SGCG: variants seen among roughly 807,000 people sequenced by gnomAD.
SGCG encodes the protein gamma-sarcoglycan.
SGCG carries 26 observed loss-of-function variants against 29.3 expected under a neutral mutation model. The observed-to-expected ratio is 0.89, with a 90% CI of 0.65 to 1.23. SGCG has a LOEUF of 1.23. Ranked by LOEUF, SGCG falls within the 50% of genes most tolerant of loss-of-function variation. The probability of loss-of-function intolerance (pLI) is 0.00; values close to 1 mark genes in which losing one functional copy is unlikely to be tolerated. For missense variants in SGCG, 353 were observed against 356.0 expected (o/e 0.99, Z 0.07); for synonymous variants, 145 against 129.7 (o/e 1.12, Z -0.80).
At chr13:23,180,756 G>T (rs1876701460), upstream of SGCG, among the ~76,000 whole-genome samples, 1 of 152,188 alleles carries the variant, frequency 6.6e-6, no homozygotes, top group Non-Finnish European at 1.5e-5. Context: ...AGAAGAGTTT[G>T]GTTTCTTGTT....
chr13:23,299,916 C>T (rs1439236892), intron 6 of SGCG, among the ~76,000 whole-genome samples: 1 of 152,138 alleles, frequency 6.6e-6, no homozygotes, highest in Non-Finnish European at 1.5e-5. Flanking sequence ...AAGGCATGGT[C>T]GTTGACCTCA....
intron 2 of SGCG, among the ~76,000 whole-genome samples, chr13:23,215,010 A>G (rs1366635329): frequency 3.9e-5 from 6 of 152,296 alleles, no homozygotes; most frequent in African/African-American, 1.4e-4. Flanking sequence ...TACAAATAGC[A>G]CTATAGTTTT....
intron 2 of SGCG, among the ~76,000 whole-genome samples, chr13:23,204,618 CTTTCTTTCCTTT>C (rs1877909687): frequency 6.8e-6 from 1 of 148,028 alleles, no homozygotes; most frequent in South Asian, 2.1e-4. Flanking sequence ...TCTTTCTTTT[CTTTCTTTCCTTT>C]CTTTCCTTTC....
chr13:23,169,016 G>T, the SGCG span, among the ~76,000 whole-genome samples: 5 of 151,610 alleles, frequency 3.3e-5, no homozygotes, highest in Non-Finnish European at 5.9e-5. Flanking sequence ...AGAAAGTCAA[G>T]AACTCATCCA....
chr13:23,212,147 A>T (rs1009711579), intron 2 of SGCG, among the ~76,000 whole-genome samples: 1 of 152,096 alleles, frequency 6.6e-6, no homozygotes, highest in Non-Finnish European at 1.5e-5. Flanking sequence ...CCCAGAAGCC[A>T]AGCAGAAACC....
chr13:23,217,235 T>C (rs909825804), intron 2 of SGCG, among the ~76,000 whole-genome samples: 7 of 152,124 alleles, frequency 4.6e-5, no homozygotes, highest in Non-Finnish European at 8.8e-5. Flanking sequence ...TTTGTTATCA[T>C]ACTATAAGCT....
intron 3 of SGCG, among the ~76,000 whole-genome samples, chr13:23,238,041 A>AT (rs199623999): frequency 0.012 from 1,777 of 152,282 alleles, 43 homozygotes; most frequent in African/African-American, 0.041. Flanking sequence ...TGAAAAAAAA[A>AT]ATATATGAAA....
chr13:23,165,527 CT>C, the SGCG span, among the ~76,000 whole-genome samples: 454 of 143,666 alleles, frequency 3.2e-3, no homozygotes, highest in Middle Eastern at 7.1e-3. Context: ...AGGAGGCAAA[CT>C]TTTTTTTTTT....
At chr13:23,222,505 A>G (rs1025568877) in intron 2 of SGCG, among the ~76,000 whole-genome samples, 3 of 64,964 alleles carry the variant, frequency 4.6e-5, no homozygotes, top group Non-Finnish European at 1.0e-4. Context: ...TTTTACAAAA[A>G]TGTTCTTTCC....
chr13:23,165,327 A>G, the SGCG span, among the ~76,000 whole-genome samples: 2 of 152,216 alleles, frequency 1.3e-5, no homozygotes, highest in Non-Finnish European at 2.9e-5. Context: ...TTGCAGCATT[A>G]TTCTCAAGTC....
At chr13:23,191,316 T>C (rs1877238899) in intron 1 of SGCG, among the ~76,000 whole-genome samples, 1 of 151,998 alleles carries the variant, frequency 6.6e-6, no homozygotes, top group Non-Finnish European at 1.5e-5. Context: ...GACCTCAGAC[T>C]GGAGTAGAGT....
intron 1 of SGCG, among the ~76,000 whole-genome samples, chr13:23,186,154 G>C (rs1876962304): frequency 6.6e-6 from 1 of 152,198 alleles, no homozygotes; most frequent in Admixed American, 6.5e-5. Context: ...GCTGGTCTGA[G>C]TAGCCTTGGG....
intron 6 of SGCG, among the ~76,000 whole-genome samples, chr13:23,305,067 T>C (rs905920747): frequency 1.3e-5 from 2 of 152,222 alleles, no homozygotes; most frequent in African/African-American, 4.8e-5. Context: ...TTATGTATTT[T>C]TGCACATGAA....
At chr13:23,263,162 CA>C (rs59432703) in intron 4 of SGCG, among the ~76,000 whole-genome samples, 22,305 of 148,566 alleles carry the variant, frequency 0.15, 2,353 homozygotes, top group African/African-American at 0.3. Flanking sequence ...AGAGCAGAAA[CA>C]AAAAAAAAAT....
At chr13:23,262,419 A>G (rs901131164) in intron 4 of SGCG, among the ~76,000 whole-genome samples, 6 of 152,046 alleles carry the variant, frequency 3.9e-5, no homozygotes, top group Admixed American at 3.3e-4. Context: ...AAATGTAGTT[A>G]TATAATGATG....
intron 2 of SGCG, among the ~76,000 whole-genome samples, chr13:23,216,486 G>T (rs1462429718): frequency 2.0e-5 from 3 of 152,090 alleles, no homozygotes; most frequent in Non-Finnish European, 2.9e-5. Flanking sequence ...TGAAGGGTTT[G>T]CAGACAGGTT....
chr13:23,187,530 C>G (rs1041365647), intron 1 of SGCG, among the ~76,000 whole-genome samples: 1 of 152,224 alleles, frequency 6.6e-6, no homozygotes, highest in African/African-American at 2.4e-5. Flanking sequence ...AGTGTGGCAG[C>G]CGGCCTTCTG....
At chr13:23,187,356 C>A (rs1593161035) in intron 1 of SGCG, among the ~76,000 whole-genome samples, 1 of 152,352 alleles carries the variant, frequency 6.6e-6, no homozygotes, top group East Asian at 1.9e-4. Context: ...AAACTCTCCC[C>A]TTCCACCCAA....
chr13:23,277,811 G>A lies in SGCG; in HGVS notation c.386-1548G>A, dbSNP rs184662669. ...CCTCCCAGGTTCATGCCATTCTCCC[G>A]CCTCAGCCTCCCGAGTAGTTGGGAC... On this transcript the variant is annotated intron_variant, in intron 4 of 7. Coordinates refer to ENST00000218867, the MANE Select transcript of SGCG (RefSeq NM_000231.3). Among the ~76,000 whole-genome samples, 9 of 147,496 alleles carry A rather than the reference G, an allele frequency of 6.1e-5. No individual in the cohort carries two copies. The East Asian group carries it at 8.4e-4, about 14-fold the overall frequency.
Sources: gnomAD v4.1 joint callset for allele counts (sites outside exome capture counted in the v4.1 genomes callset) on GRCh38, gnomAD v4.1.1 for gene constraint, MANE v1.5 for transcripts, NCBI Gene and HGNC (gene_info 2026-07-23, HGNC 2026-07-21) for gene names.